The following LRRC38 variants were observed in gnomAD, a reference collection of about 807,000 sequenced individuals.
LRRC38 encodes leucine-rich repeat-containing protein 38.
A neutral mutation model predicts 16.4 loss-of-function variants in LRRC38; 5 were observed. The ratio of observed to expected loss-of-function variants is 0.31; its 90% CI spans 0.16 to 0.64. The LOEUF (loss-of-function observed/expected upper bound fraction) is 0.64. Among genes scored for constraint, LRRC38 ranks in the 30% least tolerant of loss-of-function variants. The pLI is 0.80. For synonymous variants in LRRC38, 191 were observed against 190.2 expected, an observed-to-expected ratio of 1.00 and a Z score of -0.04; for missense variants, 341 against 401.8, an observed-to-expected ratio of 0.85 and a Z score of 1.29.
chr1:13,501,347 T>C (rs1639146825), intron 1 of LRRC38, among the ~76,000 whole-genome samples: 3 of 152,106 alleles, frequency 2.0e-5, no homozygotes, highest in African/African-American at 7.2e-5. Context: ...AGGGAAATCT[T>C]TACTGTCTGC....
At chr1:13,512,923 C>CCCCCCCCCA in intron 1 of LRRC38, 40 bp downstream of exon 1, 1 of 1,238,400 alleles carries the variant, frequency 8.1e-7, no homozygotes, top group Non-Finnish European at 1.1e-6. Flanking sequence ...CTCTCCCTGC[C>CCCCCCCCCA]CCCCTCCCTC....
At chr1:13,488,030 GTT>G (rs1553121230) in intron 1 of LRRC38, among the ~76,000 whole-genome samples, 5 of 123,154 alleles carry the variant, frequency 4.1e-5, no homozygotes, top group Admixed American at 8.1e-5. Flanking sequence ...GATTGTGTGT[GTT>G]TGTGTGTGTG....
chr1:13,505,356 A>G (rs1317124770), intron 1 of LRRC38, among the ~76,000 whole-genome samples: 1 of 152,224 alleles, frequency 6.6e-6, no homozygotes, highest in Non-Finnish European at 1.5e-5. Context: ...CAACCTAGGA[A>G]AGAAACCCTG....
At chr1:13,494,959 T>C (rs908043969) in intron 1 of LRRC38, among the ~76,000 whole-genome samples, 10 of 152,232 alleles carry the variant, frequency 6.6e-5, no homozygotes, top group African/African-American at 2.2e-4. Context: ...TCTGCTAACA[T>C]GTTCAGGTCA....
At chr1:13,503,264 GTTT>G (rs1402968690) in intron 1 of LRRC38, among the ~76,000 whole-genome samples, 2 of 137,366 alleles carry the variant, frequency 1.5e-5, no homozygotes, top group African/African-American at 7.2e-5. Context: ...TATTTATTTT[GTTT>G]TTATTTATTT....
In LRRC38 at chr1:13,475,805, G is replaced by A. The variant is rs1226478169; in HGVS notation, c.*41C>T. On this transcript the variant is annotated 3_prime_UTR_variant, in exon 2 of 2. Transcript: ENST00000376085. The surrounding 1 kb of genome is among the most constrained non-coding windows in gnomAD (Gnocchi z 4.3). ...CCTCTCGTCTTGGAGAGAGCTTCTG[G>A]TTCGGTGCTGGAGAGTAAGAGGCAG... 6.5e-7 allele frequency: 1 copy of A among 1,538,218 alleles called. No homozygotes were observed. The highest frequency in any genetic ancestry group is 8.8e-7 in the Non-Finnish European group (1 of 1,139,442).
chr1:13,495,395 G>C (rs563364560), intron 1 of LRRC38, among the ~76,000 whole-genome samples: 4 of 152,196 alleles, frequency 2.6e-5, no homozygotes, highest in Non-Finnish European at 5.9e-5. Flanking sequence ...TGAGACCTGA[G>C]ACGTGCAAGA....
At position 13,513,492 on chromosome 1, in the gene LRRC38, G is replaced by A. The variant is rs1319206411; in HGVS notation, c.102C>T (p.Cys34=). 6.6e-7 allele frequency: 1 copy of A among 1,508,582 alleles called. No individual in the cohort carries two copies. The highest frequency in any genetic ancestry group is 8.9e-7 in the Non-Finnish European group (1 of 1,126,536). The allele number at this position is 1,508,582 out of a possible 1,614,324, so 93.4% of individuals were successfully genotyped here. A position where few individuals can be genotyped will look rare whatever the true frequency, so the allele number is the denominator to read the frequency against. The change falls in exon 1 of 2, where the codon TGC becomes TGT. Residue 34 remains cysteine, a synonymous_variant. Coordinates refer to ENST00000376085, the MANE Select transcript of LRRC38 (RefSeq NM_001010847.2). ...GGCAGTCCACGGTGTGCGGGTCGGT[G>A]CAGGCGCAGCCCGCGGGGCACGCGT... ...PGHACPAGCA[C]TDPHTVDCRD... is the part of the protein sequence containing the mutation.
intron 1 of LRRC38, among the ~76,000 whole-genome samples, chr1:13,490,769 T>C (rs775392701): frequency 2.6e-5 from 4 of 152,130 alleles, no homozygotes; most frequent in Admixed American, 1.3e-4. Flanking sequence ...TAGCCTGTCA[T>C]GGTGCTCAGA....
chr1:13,498,743 C>T (rs2999896), intron 1 of LRRC38, among the ~76,000 whole-genome samples: 66,707 of 152,176 alleles, frequency 0.44, 17,762 homozygotes, highest in Middle Eastern at 0.64. Flanking sequence ...GGCATTATCC[C>T]CTGCAGGTGT....
rs192320029 is a variant in LRRC38, at chr1:13,499,763, G to C, written c.631+13200C>G. 6.0e-4 allele frequency among the ~76,000 whole-genome samples: 92 copies of C among 152,300 alleles called. 1 individual carries two copies. The highest frequency in any genetic ancestry group is 2.2e-3 in the African/African-American group (91 of 41,564). On this transcript the variant is annotated intron_variant, in intron 1 of 1. Transcript: ENST00000376085. ...AGTTACATGAGGCAGAGAGGCAGCAGGACTGGAGCTGTGTGCAGGCTTCCA... is the reference window on the plus strand; with the variant it reads ...AGTTACATGAGGCAGAGAGGCAGCACGACTGGAGCTGTGTGCAGGCTTCCA...
chr1:13,476,672 G>A (rs1312226705), intron 1 of LRRC38, among the ~76,000 whole-genome samples: 3 of 152,162 alleles, frequency 2.0e-5, no homozygotes, highest in Non-Finnish European at 4.4e-5. Flanking sequence ...GAGCGGGGAT[G>A]GAAGGGCATC....
intron 1 of LRRC38, among the ~76,000 whole-genome samples, chr1:13,489,246 TAA>T (rs1256286278): frequency 2.6e-5 from 4 of 152,182 alleles, no homozygotes; most frequent in Non-Finnish European, 5.9e-5. Flanking sequence ...CCTCCCTGGC[TAA>T]GAGAGCCCAG....
chr1:13,500,471 G>A (rs1356113881), intron 1 of LRRC38, among the ~76,000 whole-genome samples: 1 of 152,084 alleles, frequency 6.6e-6, no homozygotes, highest in African/African-American at 2.4e-5. Context: ...TCCTGTAAAT[G>A]GTGCATTCAG....
At chr1:13,503,302 T>C (rs1639172956) in intron 1 of LRRC38, among the ~76,000 whole-genome samples, 1 of 152,204 alleles carries the variant, frequency 6.6e-6, no homozygotes, top group South Asian at 2.1e-4. Context: ...AGTCTCACTC[T>C]GTCACCCAGG....
At chr1:13,506,864 A>AACT (rs1450202731) in intron 1 of LRRC38, among the ~76,000 whole-genome samples, 5 of 152,334 alleles carry the variant, frequency 3.3e-5, no homozygotes, top group Admixed American at 1.3e-4. Flanking sequence ...GGACAGCAGG[A>AACT]ACTGTGCAGC....
intron 1 of LRRC38, among the ~76,000 whole-genome samples, chr1:13,486,092 C>T (rs912756571): frequency 6.6e-6 from 1 of 152,174 alleles, no homozygotes; most frequent in Non-Finnish European, 1.5e-5. Flanking sequence ...GCGCCCACCA[C>T]CACGCCCGGC....
chr1:13,487,966 C>A lies in LRRC38; in HGVS notation c.632-11867G>T, dbSNP rs1233694340. ...TATATACTGAGACAATAAAAATAAT[C>A]AAAAACAAGGGAGAATTAAAAAAAA... On this transcript the variant is annotated intron_variant, in intron 1 of 1. Coordinates refer to ENST00000376085, the MANE Select transcript of LRRC38 (RefSeq NM_001010847.2). This position sits in a 1 kb window ranked among gnomAD's most constrained non-coding sequence, Gnocchi z 4.4. Among the ~76,000 whole-genome samples, 1 of 151,002 alleles carries A rather than the reference C, an allele frequency of 6.6e-6. No homozygotes were observed. The highest frequency in any genetic ancestry group is 1.5e-5 in the Non-Finnish European group (1 of 67,826).
intron 1 of LRRC38, among the ~76,000 whole-genome samples, chr1:13,511,824 G>C (rs1022155464): frequency 6.6e-6 from 1 of 152,154 alleles, no homozygotes; most frequent in African/African-American, 2.4e-5. Context: ...GATGGCTCAG[G>C]GGCCTGCATT....
Sources: allele counts gnomAD v4.1 joint callset (sites outside exome capture counted in the v4.1 genomes callset), GRCh38; gene constraint gnomAD v4.1.1; non-coding constraint Gnocchi (gnomAD v3.1); transcripts MANE v1.5; gene names NCBI Gene and HGNC (gene_info 2026-07-23, HGNC 2026-07-21).